The following KDM2B variants were observed in gnomAD, a reference collection of about 807,000 sequenced individuals.
KDM2B encodes lysine-specific demethylase 2B.
In KDM2B, 26 loss-of-function variants were observed where a neutral mutation model predicts 150.0. The observed-to-expected ratio is 0.17, with a 90% CI of 0.13 to 0.24. KDM2B has a LOEUF of 0.24. Among genes scored for constraint, KDM2B ranks in the 10% least tolerant of loss-of-function variants. The probability of loss-of-function intolerance (pLI) is 1.00; values close to 1 mark genes in which losing one functional copy is unlikely to be tolerated. For missense variants in KDM2B, 1,265 were observed against 1,816.9 expected (o/e 0.70, Z 5.52); for synonymous variants, 734 against 729.5 (o/e 1.01, Z -0.10).
At chr12:121,458,173 A>G (rs997761294) in intron 12 of KDM2B, among the ~76,000 whole-genome samples, 1 of 151,954 alleles carries the variant, frequency 6.6e-6, no homozygotes, top group Non-Finnish European at 1.5e-5. Context: ...GCTTGAGCTC[A>G]GGAGTTCAAG....
At chr12:121,455,007 T>A (rs1440263484) in intron 12 of KDM2B, among the ~76,000 whole-genome samples, 1 of 152,134 alleles carries the variant, frequency 6.6e-6, no homozygotes, top group Non-Finnish European at 1.5e-5. Context: ...CACCATCAAC[T>A]TTCTTCTCCA....
At chr12:121,472,716 C>T (rs933321324) in intron 12 of KDM2B, among the ~76,000 whole-genome samples, 1 of 152,128 alleles carries the variant, frequency 6.6e-6, no homozygotes, top group South Asian at 2.1e-4. Context: ...CACCACTCAC[C>T]CCATTCCCAA....
At chr12:121,439,817 A>ACTC in intron 22 of KDM2B, 40 bp downstream of exon 22, 2 of 1,470,000 alleles carry the variant, frequency 1.4e-6, no homozygotes, top group Non-Finnish European at 1.9e-6. Context: ...TGGTTCTCCC[A>ACTC]CGGAGTGTTA....
In KDM2B at chr12:121,533,045, A is replaced by AG. The variant is rs1442544042; in HGVS notation, c.778-87dup. The AG allele has an allele frequency of 1.7e-5, 23 of 1,375,024 alleles. No individual in the cohort carries two copies. Among genetic ancestry groups the AG allele is most frequent in the Non-Finnish European group, 2.2e-5 (22 of 985,378 alleles). 85.2% of individuals were successfully genotyped at this position (1,375,024 alleles called of 1,614,324 possible). On this transcript the variant is annotated intron_variant, in intron 7 of 22. Transcript: ENST00000377071. The surrounding 1 kb of genome is among the most constrained non-coding windows in gnomAD (Gnocchi z 4.1). ...GGCCCCACCTGCCTGGCGGAAGGGG[A>AG]GGGGGCGAGACAAGCTGTGTGTGGG...
intron 22 of KDM2B, among the ~76,000 whole-genome samples, chr12:121,435,796 G>C (rs1415331125): frequency 1.3e-5 from 2 of 152,156 alleles, no homozygotes; most frequent in Non-Finnish European, 2.9e-5. Flanking sequence ...ACCAGCTTAA[G>C]AGAAAGATGG....
rs576818046 is a variant in KDM2B, at chr12:121,467,323, C to G, written c.1735-13979G>C. 13 of 982,524 alleles carry G rather than the reference C, an allele frequency of 1.3e-5. No individual in the cohort carries two copies. In the South Asian group the frequency reaches 5.0e-4, roughly 38 times the overall value. The allele number at this position is 982,524 out of a possible 1,614,324, so 60.9% of individuals were successfully genotyped here. Reference sequence around the variant, plus strand: ...CCTGGCTCGGGCTCGGGCTCGGGCTCGGGCTCCCGCTGCCGCGAGGAGGGA... The same window carrying G: ...CCTGGCTCGGGCTCGGGCTCGGGCTGGGGCTCCCGCTGCCGCGAGGAGGGA... On this transcript the variant is annotated intron_variant, in intron 12 of 22. Transcript: ENST00000377071. This position sits in a 1 kb window ranked among gnomAD's most constrained non-coding sequence, Gnocchi z 5.1.
At chr12:121,524,165 C>G (rs553799379) in intron 8 of KDM2B, among the ~76,000 whole-genome samples, 1 of 152,298 alleles carries the variant, frequency 6.6e-6, no homozygotes, top group South Asian at 2.1e-4. Context: ...CTGCAGAAAG[C>G]CCAAGTCCAG....
At chr12:121,411,701 C>T in the KDM2B span, among the ~76,000 whole-genome samples, 2 of 152,150 alleles carry the variant, frequency 1.3e-5, no homozygotes, top group East Asian at 3.8e-4. Flanking sequence ...TACACAGTTA[C>T]TTGTCAGTCA....
intron 6 of KDM2B, among the ~76,000 whole-genome samples, chr12:121,538,402 A>G (rs1555309116): frequency 6.6e-6 from 1 of 152,132 alleles, no homozygotes; most frequent in Non-Finnish European, 1.5e-5. Context: ...GGTAGCGCTG[A>G]GAAGGGGGAA....
At chr12:121,420,179 G>C in the KDM2B span, 3 of 1,495,778 alleles carry the variant, frequency 2.0e-6, no homozygotes, top group Admixed American at 5.1e-5. Flanking sequence ...CAATGACAAG[G>C]TTTTCTCTAG....
In KDM2B at chr12:121,451,114, C is replaced by T. The variant is rs562153555; in HGVS notation, c.1959+2006G>A. 1.8e-3 allele frequency among the ~76,000 whole-genome samples: 277 copies of T among 152,134 alleles called. 2 individuals are homozygous for T. Among genetic ancestry groups the T allele is most frequent in the Non-Finnish European group, 2.4e-3 (163 of 68,002 alleles). On this transcript the variant is annotated intron_variant, in intron 13 of 22. Transcript: ENST00000377071. Reference sequence around the variant, plus strand: ...AGTGTGCCTGCGTCTCCTGCCCCCCCCTTCTACCTCCTCCATCTCTTCTGC... The same window carrying T: ...AGTGTGCCTGCGTCTCCTGCCCCCCTCTTCTACCTCCTCCATCTCTTCTGC...
At chr12:121,477,023 G>A (rs890080306) in intron 12 of KDM2B, among the ~76,000 whole-genome samples, 4 of 152,110 alleles carry the variant, frequency 2.6e-5, no homozygotes, top group East Asian at 1.9e-4. Context: ...TAATTCACAC[G>A]GAATGACATT....
At chr12:121,428,320 G>A (rs1872614358), downstream of KDM2B, among the ~76,000 whole-genome samples, 1 of 152,034 alleles carries the variant, frequency 6.6e-6, no homozygotes, top group Non-Finnish European at 1.5e-5. Flanking sequence ...AGCCTCCTGA[G>A]TAGCTGGGAC....
Position 121,533,796 on chromosome 12 carries a change from G to A in KDM2B, c.777+701C>T, listed in dbSNP as rs1887857951. Among the ~76,000 whole-genome samples the A allele has an allele frequency of 6.6e-6, 1 of 152,210 alleles. No homozygotes were observed. The highest frequency in any genetic ancestry group is 6.5e-5 in the Admixed American group (1 of 15,282). On this transcript the variant is annotated intron_variant, in intron 7 of 22. Coordinates refer to ENST00000377071, the MANE Select transcript of KDM2B (RefSeq NM_032590.5). The surrounding 1 kb of genome is among the most constrained non-coding windows in gnomAD (Gnocchi z 4.1). ...GGGCTGAACTTGACCTTGCCCTCCA[G>A]AAGGAGGAGGTGGTTCTAGGGAAAG...
chr12:121,440,557 GAC>G (rs1393120764), intron 21 of KDM2B: 8 of 478,706 alleles, frequency 1.7e-5, no homozygotes, highest in Non-Finnish European at 3.0e-5. Context: ...AAAGCAGTGA[GAC>G]ACACGCAGAG....
chr12:121,512,164 C>T (rs1885643974), intron 10 of KDM2B, among the ~76,000 whole-genome samples: 2 of 152,150 alleles, frequency 1.3e-5, no homozygotes, highest in South Asian at 4.1e-4. Context: ...GGCTCTCACG[C>T]TATTTCAGGA....
In KDM2B at chr12:121,478,289, CACA is replaced by C. The variant is rs534398655; in HGVS notation, c.1734+16287_1734+16289del. Among the ~76,000 whole-genome samples the C allele has an allele frequency of 9.8e-4, 149 of 151,864 alleles. 1 individual carries two copies. The Middle Eastern group carries it at 0.017, about 17-fold the overall frequency. Reference sequence around the variant, plus strand: ...ATCATTTCGCCACTCCGGTAGTAAGCACAACAATACCCAATAGGTAATGTTTTT... The same window carrying C: ...ATCATTTCGCCACTCCGGTAGTAAGCACAATACCCAATAGGTAATGTTTTT... On this transcript the variant is annotated intron_variant, in intron 12 of 22. Transcript: ENST00000377071.
Position 121,453,452 on chromosome 12 carries a change from G to T in KDM2B, c.1735-108C>A. ...TGTGTACCCCCAGAAAGACACGATG[G>T]GGGCTCTAAACCCCATTCCTCAGAG... On this transcript the variant is annotated intron_variant, in intron 12 of 22. Transcript: ENST00000377071. This position sits in a 1 kb window ranked among gnomAD's most constrained non-coding sequence, Gnocchi z 6.4. The T allele has an allele frequency of 2.5e-6, 2 of 791,480 alleles. No individual in the cohort carries two copies. The highest frequency in any genetic ancestry group is 1.8e-5 in the South Asian group (1 of 54,976). The allele number at this position is 791,480 out of a possible 1,614,324, so 49.0% of individuals were successfully genotyped here. A position where few individuals can be genotyped will look rare whatever the true frequency, so the allele number is the denominator to read the frequency against.
intron 12 of KDM2B, among the ~76,000 whole-genome samples, chr12:121,454,347 A>G (rs1462541010): frequency 6.6e-6 from 1 of 152,186 alleles, no homozygotes; most frequent in African/African-American, 2.4e-5. Context: ...TCTTCCCTAG[A>G]TGGGCTCCAA....
Sources: gnomAD v4.1 joint callset for allele counts (sites outside exome capture counted in the v4.1 genomes callset) on GRCh38, gnomAD v4.1.1 for gene constraint, Gnocchi (gnomAD v3.1) non-coding constraint, MANE v1.5 for transcripts, NCBI Gene and HGNC (gene_info 2026-07-23, HGNC 2026-07-21) for gene names.